TMEFF2: variants seen among roughly 807,000 people sequenced by gnomAD.
TMEFF2 encodes the protein transmembrane protein with EGF like and two follistatin like domains 2.
In TMEFF2, 28 loss-of-function variants were observed where a neutral mutation model predicts 53.8. That is an observed-to-expected ratio of 0.52 (90% CI 0.39 to 0.71). The LOEUF (loss-of-function observed/expected upper bound fraction) is 0.71, where lower values mean the gene tolerates loss of function less well. TMEFF2 is among the 30% of genes least tolerant of loss of function. TMEFF2 has a pLI of 0.00. For synonymous variants in TMEFF2, 162 were observed against 166.3 expected (o/e 0.97, Z 0.20); for missense variants, 353 against 455.2 (o/e 0.78, Z 2.04).
intron 5 of TMEFF2, among the ~76,000 whole-genome samples, chr2:192,037,573 AG>A (rs1559096755): frequency 6.9e-6 from 1 of 145,826 alleles, no homozygotes; most frequent in East Asian, 2.1e-4. Flanking sequence ...GAGAGTAACA[AG>A]TGTGTGTGTG....
At chr2:192,003,532 A>G (rs993993495) in intron 5 of TMEFF2, among the ~76,000 whole-genome samples, 11 of 152,220 alleles carry the variant, frequency 7.2e-5, no homozygotes, top group Admixed American at 2.0e-4. Flanking sequence ...CAAGCAATCC[A>G]GACTTTTTGT....
At position 192,131,409 on chromosome 2, in the gene TMEFF2, G is replaced by A. The variant is rs180889927; in HGVS notation, c.439+48259C>T. ...TCCTTCACCTTTAGCGGCAAGTCCC[G>A]CTTTTCTGGGGGAAGGGCAAGTACC... On this transcript the variant is annotated intron_variant, in intron 4 of 9. Transcript: ENST00000272771. Among the ~76,000 whole-genome samples the A allele has an allele frequency of 4.3e-3, 655 of 151,670 alleles. 4 individuals carry two copies. Among genetic ancestry groups the A allele is most frequent in the African/African-American group, 0.014 (581 of 41,310 alleles).
chr2:191,971,037 T>C (rs2105803973), intron 7 of TMEFF2, among the ~76,000 whole-genome samples: 1 of 152,328 alleles, frequency 6.6e-6, no homozygotes, highest in Non-Finnish European at 1.5e-5. Flanking sequence ...TTTTTTTTCT[T>C]CCCAGTTTTG....
At chr2:192,002,137 T>C (rs1686379918) in intron 5 of TMEFF2, among the ~76,000 whole-genome samples, 1 of 152,152 alleles carries the variant, frequency 6.6e-6, no homozygotes, top group Non-Finnish European at 1.5e-5. Flanking sequence ...AGGCCTCCTT[T>C]TAAGATTTGT....
At chr2:192,124,626 G>C (rs1427083167) in intron 4 of TMEFF2, among the ~76,000 whole-genome samples, 1 of 152,162 alleles carries the variant, frequency 6.6e-6, no homozygotes, top group Non-Finnish European at 1.5e-5. Flanking sequence ...TCAAATTTAT[G>C]TGGTCAACCT....
chr2:192,097,425 ATT>A (rs1688939059), intron 4 of TMEFF2, among the ~76,000 whole-genome samples: 2 of 152,242 alleles, frequency 1.3e-5, no homozygotes, highest in Non-Finnish European at 2.9e-5. Context: ...TAACAGAAAT[ATT>A]TTGTTAGCTC....
chr2:192,157,149 G>A (rs1690524779), intron 4 of TMEFF2, among the ~76,000 whole-genome samples: 1 of 151,952 alleles, frequency 6.6e-6, no homozygotes, highest in South Asian at 2.1e-4. Flanking sequence ...ACAGTTTAAC[G>A]AAAACTTTAA....
intron 5 of TMEFF2, chr2:192,030,261 A>G (rs1687095414): frequency 6.6e-6 from 1 of 152,240 alleles, no homozygotes; most frequent in African/African-American, 2.4e-5. Flanking sequence ...GAATCTGTTC[A>G]GATATTAGAA....
chr2:192,151,400 T>C (rs2106000873), intron 4 of TMEFF2, among the ~76,000 whole-genome samples: 1 of 152,022 alleles, frequency 6.6e-6, no homozygotes, highest in South Asian at 2.1e-4. Context: ...ATGATCACCA[T>C]GGCTGTAGTA....
chr2:192,084,179 C>T (rs763735382), intron 4 of TMEFF2, among the ~76,000 whole-genome samples: 4 of 152,224 alleles, frequency 2.6e-5, no homozygotes, highest in Admixed American at 1.3e-4. Context: ...CAGGCTCTTC[C>T]GCTGTCTGTA....
intron 4 of TMEFF2, among the ~76,000 whole-genome samples, chr2:192,095,399 G>T (rs1688880341): frequency 6.6e-6 from 1 of 152,138 alleles, no homozygotes; most frequent in African/African-American, 2.4e-5. Flanking sequence ...GCCAAGGTGG[G>T]AGGATTGCTT....
At chr2:192,170,558 G>T (rs1690884103) in intron 4 of TMEFF2, among the ~76,000 whole-genome samples, 1 of 151,962 alleles carries the variant, frequency 6.6e-6, no homozygotes. Context: ...AATTACAGGA[G>T]AAACGAGTAA....
chr2:191,959,619 T>G (rs1034304264), intron 7 of TMEFF2, among the ~76,000 whole-genome samples: 1 of 11,536 alleles, frequency 8.7e-5, no homozygotes, highest in Non-Finnish European at 2.2e-4. Context: ...CAGTCCAGTA[T>G]GTACATGTGT....
chr2:192,169,758 CAG>C (rs1294815430), intron 4 of TMEFF2, among the ~76,000 whole-genome samples: 3 of 151,996 alleles, frequency 2.0e-5, no homozygotes, highest in Non-Finnish European at 4.4e-5. Flanking sequence ...GGAAAATCCA[CAG>C]AGTGTGCTGA....
At chr2:192,139,215 C>T (rs779833542) in intron 4 of TMEFF2, among the ~76,000 whole-genome samples, 2 of 152,100 alleles carry the variant, frequency 1.3e-5, no homozygotes, top group Non-Finnish European at 2.9e-5. Flanking sequence ...AAGAAGTCTT[C>T]GCATAAAATA....
Position 191,971,709 on chromosome 2 carries a change from T to C in TMEFF2, c.746-15331A>G, listed in dbSNP as rs570082127. 2.0e-5 allele frequency among the ~76,000 whole-genome samples: 3 copies of C among 152,322 alleles called. No homozygotes were observed. The South Asian group carries it at 6.2e-4, about 32-fold the overall frequency. On this transcript the variant is annotated intron_variant, in intron 7 of 9. Transcript: ENST00000272771. ...ATTTAAAATATTGATGGTTTCCTTCTATGTGTTAAATACTACAGGTATAGT... is the reference window on the plus strand; with the variant it reads ...ATTTAAAATATTGATGGTTTCCTTCCATGTGTTAAATACTACAGGTATAGT...
Position 192,062,970 on chromosome 2 carries a change from T to G in TMEFF2, c.440-5195A>C, listed in dbSNP as rs202235995. Among the ~76,000 whole-genome samples the G allele has an allele frequency of 6.2e-3, 25 of 4,004 alleles. No homozygotes were observed. In the East Asian group the frequency reaches 0.18, roughly 30 times the overall value. The allele number at this position is 4,004 out of a possible 152,430, so 2.6% of individuals were successfully genotyped here. ...GTGAAACTATCTAGTCCGGGAGTGTTTTTTTTTTTTGTTGTTGTTGTTGCT... is the reference window on the plus strand; with the variant it reads ...GTGAAACTATCTAGTCCGGGAGTGTGTTTTTTTTTTGTTGTTGTTGTTGCT... On this transcript the variant is annotated intron_variant, in intron 4 of 9. Transcript: ENST00000272771.
At chr2:192,157,678 C>T (rs1272941525) in intron 4 of TMEFF2, among the ~76,000 whole-genome samples, 2 of 151,888 alleles carry the variant, frequency 1.3e-5, no homozygotes, top group African/African-American at 2.4e-5. Flanking sequence ...GTCCCTATTC[C>T]CTCAAATTTT....
At chr2:192,182,181 C>T (rs961731550) in intron 3 of TMEFF2, among the ~76,000 whole-genome samples, 4 of 151,828 alleles carry the variant, frequency 2.6e-5, no homozygotes, top group African/African-American at 9.7e-5. Context: ...CTTCTACTGC[C>T]TATTATTCCT....
Sources: allele counts gnomAD v4.1 joint callset (sites outside exome capture counted in the v4.1 genomes callset), GRCh38; gene constraint gnomAD v4.1.1; transcripts MANE v1.5; gene names NCBI Gene and HGNC (gene_info 2026-07-23, HGNC 2026-07-21).